The following TBC1D8 variants were observed in gnomAD, a reference collection of about 807,000 sequenced individuals.
TBC1D8 encodes the protein BUB2-like protein 1.
TBC1D8 carries 65 observed loss-of-function variants against 118.8 expected under a neutral mutation model. That is an observed-to-expected ratio of 0.55 (90% CI 0.45 to 0.67). The LOEUF is 0.67. Among genes scored for constraint, TBC1D8 ranks in the 30% least tolerant of loss-of-function variants. The pLI is 0.00. For synonymous variants in TBC1D8, 566 were observed against 595.8 expected (o/e 0.95, Z 0.73); for missense variants, 1,376 against 1,471.2 (o/e 0.94, Z 1.06).
chr2:101,054,672 CTTTT>C (rs34465252), intron 3 of TBC1D8, among the ~76,000 whole-genome samples: 17 of 25,440 alleles, frequency 6.7e-4, no homozygotes, highest in South Asian at 4.3e-3. Context: ...CTTTTCTTTT[CTTTT>C]TTTTTTTTTT....
intron 1 of TBC1D8, among the ~76,000 whole-genome samples, chr2:101,150,912 C>T (rs1383563104): frequency 1.3e-5 from 2 of 152,178 alleles, no homozygotes; most frequent in African/African-American, 2.4e-5. Context: ...GCCCGGAAAA[C>T]GCACGCGCCC....
At chr2:101,086,336 G>C (rs1361510310) in intron 2 of TBC1D8, among the ~76,000 whole-genome samples, 2 of 152,104 alleles carry the variant, frequency 1.3e-5, no homozygotes, top group South Asian at 2.1e-4. Flanking sequence ...CCTTGAAGTG[G>C]AAAAGTTAAA....
intron 6 of TBC1D8, among the ~76,000 whole-genome samples, chr2:101,039,808 CT>C (rs976461921): frequency 1.3e-5 from 2 of 149,692 alleles, no homozygotes; most frequent in East Asian, 2.0e-4. Flanking sequence ...TTTTTCCTTT[CT>C]TTTTTTTGGT....
chr2:101,076,996 A>G (rs1029225604), intron 2 of TBC1D8, among the ~76,000 whole-genome samples: 3 of 152,116 alleles, frequency 2.0e-5, no homozygotes, highest in South Asian at 4.1e-4. Context: ...GGAGCAAGAG[A>G]GAGGCGGTAG....
intron 1 of TBC1D8, among the ~76,000 whole-genome samples, chr2:101,119,630 A>T (rs576250851): frequency 1.2e-4 from 19 of 152,300 alleles, no homozygotes; most frequent in Admixed American, 2.6e-4. Context: ...GGGCATTGTC[A>T]CAGGATCCTC....
At chr2:101,012,863 T>A (rs1679333323) in intron 17 of TBC1D8, among the ~76,000 whole-genome samples, 1 of 152,230 alleles carries the variant, frequency 6.6e-6, no homozygotes. Context: ...TTTGGAAAGC[T>A]ACCCTTACTT....
At position 101,021,226 on chromosome 2, in the gene TBC1D8, C is replaced by T. The variant is rs1680011740; in HGVS notation, c.2827+455G>A. ...TGTTCCCGTCAATGTCAAGTCTGAT[C>T]TCATAGATACCCAAATGGCTTCCTT... is the stretch of plus-strand genomic sequence containing the variant. On this transcript the variant is annotated intron_variant, in intron 17 of 19. Coordinates refer to ENST00000409318, the MANE Select transcript of TBC1D8 (RefSeq NM_001330348.2). Among the ~76,000 whole-genome samples, 4 of 152,180 alleles carry T rather than the reference C, an allele frequency of 2.6e-5. No individual in the cohort carries two copies. The South Asian group carries it at 8.3e-4, about 32-fold the overall frequency.
chr2:101,125,008 C>T (rs779310494), intron 1 of TBC1D8, among the ~76,000 whole-genome samples: 1 of 152,174 alleles, frequency 6.6e-6, no homozygotes, highest in Non-Finnish European at 1.5e-5. Context: ...CACCAAGGTT[C>T]GTGACATTTG....
chr2:101,031,501 T>G (rs915834304), intron 11 of TBC1D8, among the ~76,000 whole-genome samples: 51 of 152,334 alleles, frequency 3.3e-4, no homozygotes, highest in African/African-American at 1.2e-3. Context: ...GGCTGCCACC[T>G]TAATTTTAGG....
intron 1 of TBC1D8, among the ~76,000 whole-genome samples, chr2:101,144,554 G>A (rs1410047514): frequency 6.6e-6 from 1 of 152,196 alleles, no homozygotes; most frequent in Non-Finnish European, 1.5e-5. Flanking sequence ...TAGGCTCACG[G>A]CTGCTTTTTA....
intron 2 of TBC1D8, among the ~76,000 whole-genome samples, chr2:101,074,306 C>T (rs1674662596): frequency 2.0e-5 from 3 of 152,130 alleles, no homozygotes; most frequent in Admixed American, 1.3e-4. Flanking sequence ...GTTCATAGCA[C>T]CCCAAAACAA....
intron 1 of TBC1D8, among the ~76,000 whole-genome samples, chr2:101,097,126 A>G (rs1195805108): frequency 1.3e-5 from 2 of 152,164 alleles, no homozygotes; most frequent in Non-Finnish European, 2.9e-5. Flanking sequence ...ATTACTGCAG[A>G]CTTCTCATTT....
chr2:101,028,242 C>G (rs1002459295), intron 13 of TBC1D8, 61 bp downstream of exon 13: 4 of 1,590,544 alleles, frequency 2.5e-6, no homozygotes, highest in Non-Finnish European at 2.6e-6. Context: ...ATCCATCCCC[C>G]AGTCACAATT....
At chr2:101,080,275 C>T (rs569016484) in intron 2 of TBC1D8, among the ~76,000 whole-genome samples, 20 of 152,238 alleles carry the variant, frequency 1.3e-4, no homozygotes, top group Non-Finnish European at 2.5e-4. Context: ...CTGACCTCAG[C>T]GTGGGGACCC....
At chr2:101,039,864 T>C (rs931532651) in intron 6 of TBC1D8, among the ~76,000 whole-genome samples, 52 of 152,120 alleles carry the variant, frequency 3.4e-4, no homozygotes, top group African/African-American at 1.1e-3. Context: ...TGGAAAAATC[T>C]TTAATTGCTA....
chr2:101,019,031 G>A (rs745985246), intron 17 of TBC1D8: 6 of 1,611,956 alleles, frequency 3.7e-6, no homozygotes, highest in Non-Finnish European at 5.1e-6. Flanking sequence ...GTCGCCAAGA[G>A]CCCATAAAGG....
chr2:101,139,703 T>C (rs1679016836), intron 1 of TBC1D8, among the ~76,000 whole-genome samples: 1 of 152,146 alleles, frequency 6.6e-6, no homozygotes, highest in African/African-American at 2.4e-5. Context: ...GCACATGCCA[T>C]TTCCTCTGCT....
intron 1 of TBC1D8, among the ~76,000 whole-genome samples, chr2:101,099,048 C>T (rs887621746): frequency 2.1e-5 from 3 of 139,714 alleles, no homozygotes; most frequent in Non-Finnish European, 4.7e-5. Context: ...CACGAAAAAC[C>T]ATCCAAAAAA....
chr2:101,148,077 C>T (rs1049527729), intron 1 of TBC1D8, among the ~76,000 whole-genome samples: 8 of 152,296 alleles, frequency 5.3e-5, no homozygotes, highest in African/African-American at 7.2e-5. Context: ...CATCTGTGCC[C>T]GCCCTTTCTG....
Sources: allele counts gnomAD v4.1 joint callset (sites outside exome capture counted in the v4.1 genomes callset), GRCh38; gene constraint gnomAD v4.1.1; transcripts MANE v1.5; gene names NCBI Gene and HGNC (gene_info 2026-07-23, HGNC 2026-07-21).